Variants in BANK1 observed in about 807,000 individuals in gnomAD.
BANK1 encodes the protein B cell scaffold protein with ankyrin repeats 1.
In BANK1, 95 loss-of-function variants were observed where a neutral mutation model predicts 94.5. The observed-to-expected ratio is 1.00, with a 90% CI of 0.85 to 1.19. BANK1 has a LOEUF of 1.19. Ranked by LOEUF, BANK1 falls within the 50% of genes most tolerant of loss-of-function variation. The probability of loss-of-function intolerance (pLI) is 0.00; values close to 1 mark genes in which losing one functional copy is unlikely to be tolerated. For synonymous variants in BANK1, 334 were observed against 308.4 expected (o/e 1.08, Z -0.87); for missense variants, 987 against 932.2 (o/e 1.06, Z -0.77).
intron 2 of BANK1, among the ~76,000 whole-genome samples, chr4:101,850,902 A>G (rs1185773365): frequency 6.6e-6 from 1 of 152,070 alleles, no homozygotes; most frequent in African/African-American, 2.4e-5. Context: ...CTGACTGGGT[A>G]TTCCCCCATC....
intron 7 of BANK1, among the ~76,000 whole-genome samples, chr4:101,993,668 G>T (rs185898700): frequency 2.6e-5 from 4 of 152,128 alleles, no homozygotes; most frequent in Non-Finnish European, 4.4e-5. Context: ...TAATCTAATA[G>T]AGAGAAGAAA....
At chr4:101,908,692 A>G (rs1722552561) in intron 6 of BANK1, among the ~76,000 whole-genome samples, 1 of 152,230 alleles carries the variant, frequency 6.6e-6, no homozygotes, top group African/African-American at 2.4e-5. Flanking sequence ...TCTACAATGA[A>G]CTCAAACAAA....
Position 101,790,942 on chromosome 4 carries a change from C to A in BANK1, c.62C>A (p.Ala21Glu), listed in dbSNP as rs751781639. The A allele has an allele frequency of 2.0e-5, 31 of 1,522,028 alleles. No homozygotes were observed. The East Asian group carries it at 2.2e-4, about 11-fold the overall frequency. The allele number at this position is 1,522,028 out of a possible 1,614,324, so 94.3% of individuals were successfully genotyped here. A position where few individuals can be genotyped will look rare whatever the true frequency, so the allele number is the denominator to read the frequency against. The change falls in exon 1 of 17, where the codon GCG (alanine) becomes GAG (glutamate). Residue 21 changes from alanine to glutamate, a missense_variant. Coordinates refer to ENST00000322953, the MANE Select transcript of BANK1 (RefSeq NM_017935.5). ...GSPDPAPCGP[A>E]PPGNTKDIIM... ...CCGGACCCCGCCCCCTGCGGCCCAG[C>A]GCCCCCAGGTGGGTAGTCGCGCATT...
chr4:102,037,234 G>A (rs975481953), intron 10 of BANK1, among the ~76,000 whole-genome samples: 1 of 152,216 alleles, frequency 6.6e-6, no homozygotes. Context: ...GACCAAGAAT[G>A]CTGCTAAATG....
intron 2 of BANK1, among the ~76,000 whole-genome samples, chr4:101,847,731 C>A (rs368583277): frequency 0.014 from 1,634 of 117,256 alleles, 42 homozygotes; most frequent in African/African-American, 0.052. Context: ...CGTAGTATTC[C>A]ATCATACACA....
At chr4:102,040,342 T>C (rs1387005378) in intron 10 of BANK1, among the ~76,000 whole-genome samples, 2 of 152,102 alleles carry the variant, frequency 1.3e-5, no homozygotes, top group African/African-American at 2.4e-5. Flanking sequence ...AAGGGTATTA[T>C]TTGGGAAATT....
chr4:102,029,777 A>T (rs1203236089), intron 9 of BANK1, among the ~76,000 whole-genome samples, 183 bp from the exon 10 acceptor site: 1 of 152,032 alleles, frequency 6.6e-6, no homozygotes, highest in Non-Finnish European at 1.5e-5. Context: ...TACACAGCTC[A>T]CTTTTTCTGC....
chr4:101,912,628 TAATAAATATATA>T (rs1722700092), intron 6 of BANK1, among the ~76,000 whole-genome samples: 1 of 148,224 alleles, frequency 6.7e-6, no homozygotes, highest in Admixed American at 6.8e-5. Flanking sequence ...TAATATATAT[TAATAAATATATA>T]AATAAATATA....
At chr4:102,013,429 T>G (rs2148943169) in intron 7 of BANK1, among the ~76,000 whole-genome samples, 1 of 152,198 alleles carries the variant, frequency 6.6e-6, no homozygotes, top group Non-Finnish European at 1.5e-5. Flanking sequence ...AAATCAAATA[T>G]AAGCCATTTG....
intron 2 of BANK1, among the ~76,000 whole-genome samples, chr4:101,831,263 A>G (rs1206238990): frequency 6.6e-6 from 1 of 152,164 alleles, no homozygotes; most frequent in Non-Finnish European, 1.5e-5. Context: ...GCAGCAGTAC[A>G]GCCACAGTCT....
At chr4:101,887,597 A>G (rs1399552644) in intron 5 of BANK1, among the ~76,000 whole-genome samples, 2 of 152,220 alleles carry the variant, frequency 1.3e-5, no homozygotes, top group African/African-American at 2.4e-5. Flanking sequence ...ATTGAGATTC[A>G]TAGCTAATGA....
At chr4:101,875,241 G>A (rs971705188) in intron 5 of BANK1, among the ~76,000 whole-genome samples, 1 of 152,062 alleles carries the variant, frequency 6.6e-6, no homozygotes, top group African/African-American at 2.4e-5. Context: ...GAGAGGGAGA[G>A]CACAGCAATT....
intron 7 of BANK1, among the ~76,000 whole-genome samples, chr4:101,959,696 G>A (rs1269358248): frequency 1.3e-5 from 2 of 152,158 alleles, no homozygotes; most frequent in Non-Finnish European, 2.9e-5. Flanking sequence ...ATCAAATGTG[G>A]TCAGTCAGTC....
chr4:101,868,987 A>C (rs1728178842), intron 4 of BANK1, among the ~76,000 whole-genome samples: 1 of 151,928 alleles, frequency 6.6e-6, no homozygotes, highest in Non-Finnish European at 1.5e-5. Context: ...TCCACCAGTA[A>C]AATTTTGAGT....
At chr4:101,962,590 CCTT>C (rs765536000) in intron 7 of BANK1, among the ~76,000 whole-genome samples, 1 of 152,120 alleles carries the variant, frequency 6.6e-6, no homozygotes, top group Non-Finnish European at 1.5e-5. Flanking sequence ...GCTCCCCTTT[CCTT>C]CTTTCTTTTA....
At chr4:101,886,468 C>T (rs1180030560) in intron 5 of BANK1, among the ~76,000 whole-genome samples, 1 of 152,182 alleles carries the variant, frequency 6.6e-6, no homozygotes, top group Admixed American at 6.5e-5. Flanking sequence ...TTCAATAAAT[C>T]ATGGCATCAT....
At chr4:101,864,985 C>T (rs1728015150) in intron 4 of BANK1, among the ~76,000 whole-genome samples, 1 of 152,050 alleles carries the variant, frequency 6.6e-6, no homozygotes, top group Non-Finnish European at 1.5e-5. Flanking sequence ...AAGAGGAGCT[C>T]TAGTTTCTAT....
chr4:101,839,449 A>C (rs186775513), intron 2 of BANK1, among the ~76,000 whole-genome samples: 89 of 152,322 alleles, frequency 5.8e-4, no homozygotes, highest in Non-Finnish European at 1.0e-3. Context: ...TAGTAGCATC[A>C]TAATGCTACA....
intron 7 of BANK1, among the ~76,000 whole-genome samples, chr4:101,998,595 C>G (rs1192369157): frequency 6.6e-6 from 1 of 152,076 alleles, no homozygotes; most frequent in African/African-American, 2.4e-5. Context: ...AATCTGGGTG[C>G]TCCTGTAGTG....
Sources: gnomAD v4.1 joint callset for allele counts (sites outside exome capture counted in the v4.1 genomes callset) on GRCh38, gnomAD v4.1.1 for gene constraint, MANE v1.5 for transcripts, NCBI Gene and HGNC (gene_info 2026-07-23, HGNC 2026-07-21) for gene names.